TCF4: variants seen among roughly 807,000 people sequenced by gnomAD.
TCF4 encodes the protein transcription factor 4.
TCF4 carries 3 observed loss-of-function variants against 82.1 expected under a neutral mutation model. That is an observed-to-expected ratio of 0.04 (90% CI 0.02 to 0.09). The LOEUF (loss-of-function observed/expected upper bound fraction) is 0.09, where lower values mean the gene tolerates loss of function less well. TCF4 is among the 10% of genes least tolerant of loss of function. The pLI, the probability that TCF4 is intolerant of heterozygous loss-of-function variation, is 1.00. For synonymous variants in TCF4, 276 were observed against 309.6 expected (o/e 0.89, Z 1.14); for missense variants, 518 against 852.7 (o/e 0.61, Z 4.89).
chr18:55,253,701 T>A (rs1043519983), intron 15 of TCF4, among the ~76,000 whole-genome samples: 3 of 152,138 alleles, frequency 2.0e-5, no homozygotes, highest in Non-Finnish European at 4.4e-5. Flanking sequence ...TCACATGCAA[T>A]GTATTTATAC....
At chr18:55,594,881 A>G (rs2097689297) in intron 2 of TCF4, among the ~76,000 whole-genome samples, 1 of 152,204 alleles carries the variant, frequency 6.6e-6, no homozygotes, top group Non-Finnish European at 1.5e-5. Flanking sequence ...GACATGTGCC[A>G]TGGCTTTAGG....
At chr18:55,297,543 G>C (rs564674819) in intron 8 of TCF4, among the ~76,000 whole-genome samples, 9 of 152,228 alleles carry the variant, frequency 5.9e-5, no homozygotes, top group African/African-American at 2.2e-4. Flanking sequence ...TGGGTATTAA[G>C]AGAGAGGAAA....
chr18:55,249,956 C>T (rs2054510563), intron 15 of TCF4, among the ~76,000 whole-genome samples: 1 of 152,154 alleles, frequency 6.6e-6, no homozygotes, highest in African/African-American at 2.4e-5. Flanking sequence ...AGAATTCTAT[C>T]TGGAAAATTG....
intron 3 of TCF4, among the ~76,000 whole-genome samples, chr18:55,471,786 A>G (rs139849098): frequency 0.011 from 1,675 of 151,366 alleles, 15 homozygotes; most frequent in Non-Finnish European, 0.016. Context: ...AAAAAAGATA[A>G]GTCAAATATA....
intron 5 of TCF4, among the ~76,000 whole-genome samples, chr18:55,460,371 A>G (rs1283127943): frequency 1.3e-5 from 2 of 152,136 alleles, no homozygotes; most frequent in African/African-American, 4.8e-5. Flanking sequence ...CCTACAGGGT[A>G]GCCAAAAGCA....
intron 2 of TCF4, among the ~76,000 whole-genome samples, chr18:55,622,502 T>A (rs2097722365): frequency 1.4e-5 from 2 of 140,900 alleles, no homozygotes; most frequent in Admixed American, 7.0e-5. Context: ...AGACTCAATC[T>A]TAAAAAAAAA....
At chr18:55,391,144 T>C (rs1603439453) in intron 6 of TCF4, among the ~76,000 whole-genome samples, 1 of 152,206 alleles carries the variant, frequency 6.6e-6, no homozygotes, top group African/African-American at 2.4e-5. Context: ...TGATGTTGTA[T>C]TGTACCAGTC....
chr18:55,400,943 ATC>A, intron 6 of TCF4: 1 of 1,287,354 alleles, frequency 7.8e-7, no homozygotes. Context: ...CCTATTCCGT[ATC>A]TCAATCATGT....
intron 3 of TCF4, among the ~76,000 whole-genome samples, chr18:55,477,680 G>C (rs1370904625): frequency 6.6e-6 from 1 of 152,174 alleles, no homozygotes; most frequent in African/African-American, 2.4e-5. Flanking sequence ...AATGGACCAA[G>C]GTTTCCTCTA....
intron 1 of TCF4, 130 bp from the exon 2 acceptor site, chr18:55,587,266 G>A (rs1407130401): frequency 9.2e-6 from 5 of 545,552 alleles, no homozygotes; most frequent in Non-Finnish European, 1.7e-5. Flanking sequence ...GTGGAAAGGA[G>A]GAAGGGATGG....
chr18:55,619,049 T>C (rs2097715075), intron 2 of TCF4, among the ~76,000 whole-genome samples: 1 of 152,208 alleles, frequency 6.6e-6, no homozygotes, highest in East Asian at 1.9e-4. Context: ...TATTCCTTCC[T>C]ATATCATTTA....
rs73479290 is a variant in TCF4 at position 55,487,416 on chromosome 18, T to G, written c.146-23279A>C. The stretch of plus-strand genomic sequence containing the variant: ...GAAGGACAGGAACTCTGGGCACCTA[T>G]GAACCAGGGTTGACACCAATGCCTG... On this transcript the variant is annotated intron_variant, in intron 3 of 19. Transcript: ENST00000354452. Among the ~76,000 whole-genome samples the G allele has an allele frequency of 2.8e-3, 433 of 152,326 alleles. 2 individuals carry two copies. Among genetic ancestry groups the G allele is most frequent in the African/African-American group, 0.01 (424 of 41,572 alleles).
At chr18:55,393,893 G>T (rs1475801846) in intron 6 of TCF4, among the ~76,000 whole-genome samples, 1 of 152,164 alleles carries the variant, frequency 6.6e-6, no homozygotes, top group Non-Finnish European at 1.5e-5. Flanking sequence ...TTTAATTGAG[G>T]CAGGAGTTAT....
At chr18:55,565,069 T>C (rs2097391332) in intron 3 of TCF4, among the ~76,000 whole-genome samples, 1 of 152,186 alleles carries the variant, frequency 6.6e-6, no homozygotes, top group African/African-American at 2.4e-5. Context: ...GAGAGGAAAC[T>C]GTGTTGTGCA....
chr18:55,222,676 C>T lies in TCF4; in HGVS notation c.*5359G>A, dbSNP rs144794486. 14 of 152,744 alleles carry T rather than the reference C, an allele frequency of 9.2e-5. No individual in the cohort carries two copies. The highest frequency in any genetic ancestry group is 3.1e-4 in the African/African-American group (13 of 41,564). 9.5% of individuals were successfully genotyped at this position (152,744 alleles called of 1,614,324 possible). ...AAGCGCTCAGCTACCGCGGGCTTTC[C>T]TTTACATTGCATACATTACTTTACA... On this transcript the variant is annotated 3_prime_UTR_variant, in exon 20 of 20. Transcript: ENST00000354452.
intron 15 of TCF4, among the ~76,000 whole-genome samples, chr18:55,250,722 C>T (rs991091910): frequency 6.6e-6 from 1 of 152,186 alleles, no homozygotes; most frequent in Non-Finnish European, 1.5e-5. Flanking sequence ...TTTCTTTTCT[C>T]CCGTTTCTAT....
At chr18:55,399,829 T>TTCTC (rs147568400) in intron 6 of TCF4, among the ~76,000 whole-genome samples, 77 of 80,774 alleles carry the variant, frequency 9.5e-4, no homozygotes, top group Admixed American at 3.4e-3. Flanking sequence ...GCAGCTTTCT[T>TTCTC]TCTCTCTCTC....
At chr18:55,320,685 C>T (rs1193613175) in intron 8 of TCF4, 5 of 152,196 alleles carry the variant, frequency 3.3e-5, no homozygotes, top group African/African-American at 1.2e-4. Context: ...TGATTAAGAT[C>T]AATCCAAATG....
intron 8 of TCF4, chr18:55,322,470 C>T (rs2147529466): frequency 1.0e-6 from 1 of 1,004,386 alleles, no homozygotes; most frequent in East Asian, 7.5e-5. Flanking sequence ...TCTGACCTCG[C>T]TCAAAAGGAG....
Sources: gnomAD v4.1 joint callset for allele counts (sites outside exome capture counted in the v4.1 genomes callset) on GRCh38, gnomAD v4.1.1 for gene constraint, MANE v1.5 for transcripts, NCBI Gene and HGNC (gene_info 2026-07-23, HGNC 2026-07-21) for gene names.